The following GABPB1 variants were observed in gnomAD, a reference collection of about 807,000 sequenced individuals.
GABPB1 encodes the protein GA-binding protein subunit beta-1.
In GABPB1, 15 loss-of-function variants were observed where a neutral mutation model predicts 45.9. The observed-to-expected ratio is 0.33, with a 90% CI of 0.22 to 0.50. The LOEUF (loss-of-function observed/expected upper bound fraction) is 0.50. GABPB1 is among the 20% of genes least tolerant of loss of function. The pLI is 0.98. For synonymous variants in GABPB1, 143 were observed against 154.4 expected (o/e 0.93, Z 0.55); for missense variants, 252 against 457.5 (o/e 0.55, Z 4.10).
chr15:50,310,116 A>G (rs960830241), intron 1 of GABPB1, among the ~76,000 whole-genome samples: 1 of 152,212 alleles, frequency 6.6e-6, no homozygotes, highest in African/African-American at 2.4e-5. Context: ...TTCTTGACAC[A>G]GAGTCTCGGC....
chr15:50,295,781 C>T (rs2046489591), intron 6 of GABPB1, among the ~76,000 whole-genome samples: 1 of 152,092 alleles, frequency 6.6e-6, no homozygotes, highest in Non-Finnish European at 1.5e-5. Context: ...CACACCCACC[C>T]CCAACTCCAG....
intron 1 of GABPB1, among the ~76,000 whole-genome samples, chr15:50,345,250 T>C (rs1248690506): frequency 1.3e-5 from 2 of 151,454 alleles, no homozygotes; most frequent in East Asian, 3.9e-4. Context: ...CTGAAAAGAG[T>C]CAGGATGAAG....
chr15:50,300,432 T>TCTG (rs2046689216), intron 6 of GABPB1, among the ~76,000 whole-genome samples: 2 of 77,502 alleles, frequency 2.6e-5, no homozygotes. Context: ...TGCAACTGTT[T>TCTG]TTGGTTTTTT....
intron 1 of GABPB1, among the ~76,000 whole-genome samples, chr15:50,345,592 G>C (rs1163830865): frequency 1.3e-5 from 2 of 152,178 alleles, no homozygotes; most frequent in Non-Finnish European, 2.9e-5. Flanking sequence ...GGCAGCAATT[G>C]TAATTCAATT....
At chr15:50,320,447 C>T (rs559304574) in intron 1 of GABPB1, among the ~76,000 whole-genome samples, 26 of 152,316 alleles carry the variant, frequency 1.7e-4, no homozygotes, top group Non-Finnish European at 2.8e-4. Context: ...GGATTACAGG[C>T]GTGAGCCACC....
In GABPB1 at chr15:50,275,671, A is replaced by G. The variant is rs1440427951; in HGVS notation, c.*2961T>C. 1 of 152,230 alleles carries G rather than the reference A, an allele frequency of 6.6e-6. No individual in the cohort carries two copies. Among genetic ancestry groups the G allele is most frequent in the Non-Finnish European group, 1.5e-5 (1 of 68,044 alleles). 9.4% of individuals were successfully genotyped at this position (152,230 alleles called of 1,614,324 possible). On this transcript the variant is annotated 3_prime_UTR_variant, in exon 9 of 9. Coordinates refer to ENST00000380877, the MANE Select transcript of GABPB1 (RefSeq NM_016654.5). ...CATAAAGAAATAGAGCAATCCAGTG[A>G]CAGAGTAAAAGAACTCTTCTGCCAT...
At chr15:50,302,851 T>C in intron 4 of GABPB1, 78 bp downstream of exon 4, 3 of 951,612 alleles carry the variant, frequency 3.2e-6, no homozygotes, top group Non-Finnish European at 4.7e-6. Flanking sequence ...ATAGTTTAAA[T>C]CATGCACAAT....
chr15:50,328,738 C>T (rs537047438), intron 1 of GABPB1, among the ~76,000 whole-genome samples: 2 of 152,288 alleles, frequency 1.3e-5, no homozygotes, highest in East Asian at 3.9e-4. Context: ...TTTTGTCTGA[C>T]AGTTTTAGCA....
intron 8 of GABPB1, among the ~76,000 whole-genome samples, chr15:50,279,622 A>G (rs992769067): frequency 5.3e-5 from 8 of 152,216 alleles, no homozygotes; most frequent in African/African-American, 1.9e-4. Flanking sequence ...AAAAACAAGG[A>G]GAAACATTTC....
chr15:50,292,172 G>C (rs1342862446), intron 6 of GABPB1, among the ~76,000 whole-genome samples: 1 of 151,434 alleles, frequency 6.6e-6, no homozygotes, highest in Non-Finnish European at 1.5e-5. Context: ...AAATTAGCCG[G>C]GCGCGGTGGT....
At chr15:50,334,030 CAA>C (rs34377380) in intron 1 of GABPB1, among the ~76,000 whole-genome samples, 8 of 125,616 alleles carry the variant, frequency 6.4e-5, no homozygotes, top group East Asian at 2.6e-4. Context: ...AACTCGATCT[CAA>C]AAAAAAAAAA....
rs1389324395 is a variant in GABPB1 at position 50,276,864 on chromosome 15, T to G, written c.*1768A>C. The G allele has an allele frequency of 7.2e-5, 11 of 152,372 alleles. No homozygotes were observed. In the East Asian group the frequency reaches 1.9e-3, roughly 27 times the overall value. 9.4% of individuals were successfully genotyped at this position (152,372 alleles called of 1,614,324 possible). A position where few individuals can be genotyped will look rare whatever the true frequency, so the allele number is the denominator to read the frequency against. ...ACATTCTCTATTGACTTTTCAGGAC[T>G]GCAGAAAAAGTCACTTCATGCTATT... On this transcript the variant is annotated 3_prime_UTR_variant, in exon 9 of 9. Coordinates refer to ENST00000380877, the MANE Select transcript of GABPB1 (RefSeq NM_016654.5).
At chr15:50,292,171 G>A (rs12904469) in intron 6 of GABPB1, among the ~76,000 whole-genome samples, 27,856 of 151,126 alleles carry the variant, frequency 0.18, 2,736 homozygotes, top group Middle Eastern at 0.23. Flanking sequence ...AAAATTAGCC[G>A]GGCGCGGTGG....
At position 50,333,846 on chromosome 15, in the gene GABPB1, T is replaced by C. The variant is rs532269062; in HGVS notation, c.-1+21139A>G. 1.5e-4 allele frequency among the ~76,000 whole-genome samples: 23 copies of C among 151,994 alleles called. No homozygotes were observed. The Middle Eastern group carries it at 0.01, about 68-fold the overall frequency. On this transcript the variant is annotated intron_variant, in intron 1 of 8. Transcript: ENST00000380877. Reference sequence around the variant, plus strand: ...GAGTTCGAGACCAGCCTGGCCAACATAGTAAAACCCCATCTCTACTAAAAA... The same window carrying C: ...GAGTTCGAGACCAGCCTGGCCAACACAGTAAAACCCCATCTCTACTAAAAA...
chr15:50,352,694 A>G (rs2048890222), intron 1 of GABPB1: 1 of 152,252 alleles, frequency 6.6e-6, no homozygotes, highest in African/African-American at 2.4e-5. Context: ...AAACATTAAA[A>G]GTACACCTGG....
At chr15:50,280,706 C>A (rs2045945677) in intron 8 of GABPB1, among the ~76,000 whole-genome samples, 1 of 151,738 alleles carries the variant, frequency 6.6e-6, no homozygotes, top group Non-Finnish European at 1.5e-5. Context: ...CTCCACCGCA[C>A]TCCAGCCTGG....
At chr15:50,312,738 C>T (rs1032834328) in intron 1 of GABPB1, among the ~76,000 whole-genome samples, 1 of 152,148 alleles carries the variant, frequency 6.6e-6, no homozygotes, top group African/African-American at 2.4e-5. Context: ...AGGTTTTACA[C>T]AGGTAATATA....
intron 6 of GABPB1, among the ~76,000 whole-genome samples, chr15:50,298,773 G>A (rs1161632635): frequency 6.6e-6 from 1 of 152,134 alleles, no homozygotes; most frequent in Non-Finnish European, 1.5e-5. Context: ...CCAACATGGT[G>A]AAACCCCGTC....
chr15:50,290,808 T>G (rs1234125261), intron 6 of GABPB1, among the ~76,000 whole-genome samples: 5 of 152,124 alleles, frequency 3.3e-5, no homozygotes, highest in Non-Finnish European at 4.4e-5. Flanking sequence ...CCAAATATGC[T>G]CTTAATAATT....
Sources: gnomAD v4.1 joint callset for allele counts (sites outside exome capture counted in the v4.1 genomes callset) on GRCh38, gnomAD v4.1.1 for gene constraint, MANE v1.5 for transcripts, NCBI Gene and HGNC (gene_info 2026-07-23, HGNC 2026-07-21) for gene names.